PLPPR1: variants seen among roughly 807,000 people sequenced by gnomAD.
PLPPR1 encodes phospholipid phosphatase related 1, also known as phospholipid phosphatase-related protein type 1.
Under a neutral mutation model 33.1 loss-of-function variants are expected in PLPPR1, and 10 were observed. The observed-to-expected ratio is 0.30, with a 90% confidence interval of 0.19 to 0.51. PLPPR1 has a LOEUF of 0.51. Ranked by LOEUF, PLPPR1 falls within the 20% of genes least tolerant of loss-of-function variation. PLPPR1 has a pLI of 0.97. For synonymous variants in PLPPR1, 151 were observed against 151.0 expected, an observed-to-expected ratio of 1.00 and a Z score of 0.00; for missense variants, 304 against 408.1, an observed-to-expected ratio of 0.74 and a Z score of 2.20.
At chr9:101,187,451 A>T (rs1826224379) in intron 2 of PLPPR1, 2 of 151,970 alleles carry the variant, frequency 1.3e-5, no homozygotes, top group African/African-American at 4.8e-5. Flanking sequence ...AAAATCTGGG[A>T]GAGGAAAGAT....
At chr9:101,092,879 A>T (rs1465020694) in intron 1 of PLPPR1, among the ~76,000 whole-genome samples, 2 of 152,156 alleles carry the variant, frequency 1.3e-5, no homozygotes, top group Admixed American at 1.3e-4. Flanking sequence ...TAGTGTCCTT[A>T]TAAGAAGAGG....
At chr9:101,313,282 C>T (rs1356968575) in intron 6 of PLPPR1, among the ~76,000 whole-genome samples, 1 of 152,106 alleles carries the variant, frequency 6.6e-6, no homozygotes, top group Admixed American at 6.5e-5. Flanking sequence ...TAAATTGGCA[C>T]ACCTTCAAAC....
rs28689840 is a variant in PLPPR1 at position 101,034,862 on chromosome 9, C to G, written c.-46+5760C>G. 1.2e-3 allele frequency among the ~76,000 whole-genome samples: 190 copies of G among 152,208 alleles called. 1 individual carries two copies. The highest frequency in any genetic ancestry group is 4.3e-3 in the African/African-American group (180 of 41,520). ...AATAGTTGGCTTGAATCCTGTCTTC[C>G]TAAGTGCAGAAATTAAATCAGCAGA... is the stretch of plus-strand genomic sequence containing the variant. On this transcript the variant is annotated intron_variant, in intron 1 of 7. Transcript: ENST00000374874.
At chr9:101,046,315 C>G (rs1471262969) in intron 1 of PLPPR1, among the ~76,000 whole-genome samples, 1 of 152,096 alleles carries the variant, frequency 6.6e-6, no homozygotes, top group Non-Finnish European at 1.5e-5. Context: ...CCTCCCCTTC[C>G]CCCAGACTGT....
At chr9:101,163,723 C>G (rs1825802876) in intron 1 of PLPPR1, among the ~76,000 whole-genome samples, 1 of 152,158 alleles carries the variant, frequency 6.6e-6, no homozygotes, top group Admixed American at 6.6e-5. Context: ...AACACTGTAA[C>G]AGGTGTTAAC....
At position 101,236,351 on chromosome 9, in the gene PLPPR1, C is replaced by A. The variant is rs1488481906; in HGVS notation, c.64-33529C>A. The stretch of plus-strand genomic sequence containing the variant: ...GTAACAAATCTAATTTCTCATAATT[C>A]TTCTAATATTTGAACAGAGGAATCA... On this transcript the variant is annotated intron_variant, in intron 2 of 7. Coordinates refer to ENST00000374874, the MANE Select transcript of PLPPR1 (RefSeq NM_207299.2). 4.0e-5 allele frequency among the ~76,000 whole-genome samples: 6 copies of A among 151,696 alleles called. No homozygotes were observed. In the East Asian group the frequency reaches 1.2e-3, roughly 29 times the overall value.
chr9:101,270,894 G>A (rs551511954), intron 3 of PLPPR1, among the ~76,000 whole-genome samples: 6 of 151,920 alleles, frequency 3.9e-5, no homozygotes, highest in East Asian at 1.9e-4. Context: ...CTCCCTGAAC[G>A]CTCCCTCCTC....
chr9:101,285,375 G>A (rs972840719), intron 3 of PLPPR1, among the ~76,000 whole-genome samples: 2 of 152,146 alleles, frequency 1.3e-5, no homozygotes, highest in Admixed American at 1.3e-4. Context: ...AGTTTAACGA[G>A]AGAGATGCCT....
intron 2 of PLPPR1, among the ~76,000 whole-genome samples, chr9:101,203,476 T>A (rs1826527958): frequency 6.6e-6 from 1 of 152,114 alleles, no homozygotes; most frequent in South Asian, 2.1e-4. Flanking sequence ...AAGAAATCAC[T>A]TTGAAGCTTC....
intron 1 of PLPPR1, among the ~76,000 whole-genome samples, chr9:101,151,279 CT>C (rs1831582732): frequency 6.6e-6 from 1 of 152,026 alleles, no homozygotes; most frequent in Non-Finnish European, 1.5e-5. Context: ...GGAAAAACAA[CT>C]TTAAAATGTA....
chr9:101,266,472 G>C (rs1318494086), intron 2 of PLPPR1, among the ~76,000 whole-genome samples: 1 of 152,034 alleles, frequency 6.6e-6, no homozygotes, highest in Non-Finnish European at 1.5e-5. Context: ...GCTTCTGGCT[G>C]CTCGGGGGAA....
At chr9:101,192,264 C>T (rs1448061322) in intron 2 of PLPPR1, among the ~76,000 whole-genome samples, 4 of 152,176 alleles carry the variant, frequency 2.6e-5, no homozygotes, top group African/African-American at 7.2e-5. Flanking sequence ...GCAACTCTTA[C>T]ATTTTTACAT....
intron 1 of PLPPR1, among the ~76,000 whole-genome samples, chr9:101,076,514 A>T: frequency 6.6e-6 from 1 of 152,194 alleles, no homozygotes; most frequent in Non-Finnish European, 1.5e-5. Context: ...TCATGTTTGA[A>T]TCCCAGATGT....
chr9:101,292,707 C>G (rs1423069280), intron 4 of PLPPR1, among the ~76,000 whole-genome samples: 1 of 151,702 alleles, frequency 6.6e-6, no homozygotes, highest in African/African-American at 2.4e-5. Flanking sequence ...CCAAACTAAG[C>G]TTCATAAGTG....
intron 4 of PLPPR1, among the ~76,000 whole-genome samples, chr9:101,305,369 A>G (rs1201814244): frequency 1.3e-5 from 2 of 152,146 alleles, no homozygotes; most frequent in Non-Finnish European, 2.9e-5. Context: ...ATCTTTTTTC[A>G]CTGTCGTCAT....
At chr9:101,172,994 G>A (rs1825967016) in intron 1 of PLPPR1, among the ~76,000 whole-genome samples, 1 of 151,922 alleles carries the variant, frequency 6.6e-6, no homozygotes, top group Non-Finnish European at 1.5e-5. Flanking sequence ...TATCTTGGCT[G>A]GAAGCAAAAT....
At chr9:101,274,976 G>T (rs1828162292) in intron 3 of PLPPR1, among the ~76,000 whole-genome samples, 1 of 152,214 alleles carries the variant, frequency 6.6e-6, no homozygotes, top group South Asian at 2.1e-4. Flanking sequence ...CTCATCAGAA[G>T]CTAACATTTG....
At chr9:101,080,638 G>T (rs1830605532) in intron 1 of PLPPR1, among the ~76,000 whole-genome samples, 1 of 152,138 alleles carries the variant, frequency 6.6e-6, no homozygotes, top group Non-Finnish European at 1.5e-5. Flanking sequence ...TCTTTGGCTG[G>T]TTACAATCCC....
rs1402314423 is a variant in PLPPR1, at chr9:101,212,881, A to AT, written c.63+27325dup. Among the ~76,000 whole-genome samples, 3 of 152,290 alleles carry AT rather than the reference A, an allele frequency of 2.0e-5. No individual in the cohort carries two copies. The East Asian group carries it at 5.8e-4, about 29-fold the overall frequency. On this transcript the variant is annotated intron_variant, in intron 2 of 7. Coordinates refer to ENST00000374874, the MANE Select transcript of PLPPR1 (RefSeq NM_207299.2). ...TGGTAATAGCTTGTTGAGTATTTTT[A>AT]TCTAGAAGTGCCACTCAGTTTGCCC...
Sources: gnomAD v4.1 joint callset for allele counts (sites outside exome capture counted in the v4.1 genomes callset) on GRCh38, gnomAD v4.1.1 for gene constraint, MANE v1.5 for transcripts, NCBI Gene and HGNC (gene_info 2026-07-23, HGNC 2026-07-21) for gene names.